The following COL4A6 variants were observed in gnomAD, a reference collection of about 807,000 sequenced individuals.
COL4A6 encodes the protein collagen type IV alpha 6 chain, also known as collagen alpha-6(IV) chain.
Under a neutral mutation model 126.7 loss-of-function variants are expected in COL4A6, and 59 were observed. The ratio of observed to expected loss-of-function variants is 0.47; its 90% CI spans 0.38 to 0.58. The LOEUF is 0.58. Among genes scored for constraint, COL4A6 ranks in the 20% least tolerant of loss-of-function variants. The pLI, the probability that COL4A6 is intolerant of heterozygous loss-of-function variation, is 0.00. For missense variants in COL4A6, 1,285 were observed against 1,337.3 expected, an observed-to-expected ratio of 0.96 and a Z score of 0.61; for synonymous variants, 547 against 496.6, an observed-to-expected ratio of 1.10 and a Z score of -1.35.
At chrX:108,292,992 GCAAAAAA>G (rs2038207151) in intron 3 of COL4A6, among the ~76,000 whole-genome samples, 2 of 10,436 alleles carry the variant, frequency 1.9e-4, no homozygotes, top group African/African-American at 9.3e-4. Flanking sequence ...AAGGAAAAAA[GCAAAAAA>G]AAAAAAAAAA....
chrX:108,337,748 C>T (rs1434819141), intron 2 of COL4A6, among the ~76,000 whole-genome samples: 1 of 112,328 alleles, frequency 8.9e-6, no homozygotes, highest in Non-Finnish European at 1.9e-5. Context: ...AGCATTAATG[C>T]TAGGTTAATA....
intron 25 of COL4A6, among the ~76,000 whole-genome samples, 185 bp from the exon 26 acceptor site, chrX:108,179,623 C>T (rs1037650728): frequency 1.8e-5 from 2 of 110,440 alleles, no homozygotes; most frequent in Non-Finnish European, 3.8e-5. Flanking sequence ...CTGTGCCCTG[C>T]GACCTGGAGG....
rs113329155 is a variant in COL4A6 at position 108,165,024 on chromosome X, C to A, written c.3823G>T (p.Ala1275Ser). The change falls in exon 39 of 45, where the codon GCT becomes TCT. Residue 1275 changes from alanine (A) to serine (S), a missense_variant. Coordinates refer to ENST00000334504, the MANE Select transcript of COL4A6 (RefSeq NM_033641.4). Reference sequence around the variant, plus strand: ...GGCCCAGGGGGACCTGGGGGTCCAGCGGGGCCTGGGCGGCCTAGGGATAAG... The same window carrying A: ...GGCCCAGGGGGACCTGGGGGTCCAGAGGGGCCTGGGCGGCCTAGGGATAAG... ...LDGERGRPGP[A>S]GPPGPPGPSS... 1.7e-6 allele frequency: 2 copies of A among 1,206,496 alleles called. No individual in the cohort carries two copies. The highest frequency in any genetic ancestry group is 4.4e-5 in the Admixed American group (2 of 45,004).
At chrX:108,302,224 T>C (rs2038508034) in intron 3 of COL4A6, among the ~76,000 whole-genome samples, 1 of 111,374 alleles carries the variant, frequency 9.0e-6, no homozygotes, top group South Asian at 3.7e-4. Flanking sequence ...AAATAAAAAG[T>C]GTAAAAGGAT....
intron 3 of COL4A6, among the ~76,000 whole-genome samples, chrX:108,226,927 G>A (rs958165107): frequency 9.0e-6 from 1 of 111,549 alleles, no homozygotes; most frequent in African/African-American, 3.3e-5. Flanking sequence ...TCTGCCAAAT[G>A]GTCTGTGACC....
At chrX:108,417,358 A>G (rs2041454154) in intron 2 of COL4A6, among the ~76,000 whole-genome samples, 1 of 112,202 alleles carries the variant, frequency 8.9e-6, no homozygotes, top group Admixed American at 9.5e-5. Context: ...TAACTGGCAT[A>G]TAGTATTATC....
At chrX:108,235,003 A>G (rs964426485) in intron 3 of COL4A6, among the ~76,000 whole-genome samples, 1 of 111,377 alleles carries the variant, frequency 9.0e-6, no homozygotes, top group Non-Finnish European at 1.9e-5. Flanking sequence ...GTGAAGGCCT[A>G]CCAATCAGCA....
intron 2 of COL4A6, among the ~76,000 whole-genome samples, chrX:108,328,145 CTAAA>C (rs1224386589): frequency 9.0e-6 from 1 of 111,192 alleles, no homozygotes; most frequent in Non-Finnish European, 1.9e-5. Flanking sequence ...GATGTTTCTC[CTAAA>C]TAAAGTATTC....
Position 108,162,916 on chromosome X carries a change from C to T in COL4A6, c.4192G>A (p.Ala1398Thr). ...GIPGLTGDPG[A>T]QGPVGLQGSK... ...CCTTGTAGGCCTACAGGGCCTTGAG[C>T]CCCAGGGTCCCCAGTGAGGCCAGGG... is the stretch of plus-strand genomic sequence containing the variant. Residue 1398 changes from alanine to threonine, a missense_variant, in exon 41 of 45, where the codon GCT (alanine) becomes ACT (threonine). Coordinates refer to ENST00000334504, the MANE Select transcript of COL4A6 (RefSeq NM_033641.4). 8.4e-7 allele frequency: 1 copy of T among 1,196,333 alleles called. No homozygotes were observed. Among genetic ancestry groups the T allele is most frequent in the Non-Finnish European group, 1.1e-6 (1 of 889,014 alleles).
intron 2 of COL4A6, among the ~76,000 whole-genome samples, chrX:108,315,460 G>A (rs997495189): frequency 2.1e-4 from 24 of 111,709 alleles, no homozygotes; most frequent in African/African-American, 7.5e-4. Context: ...TGCTGATCTC[G>A]AACTCCTGGC....
intron 2 of COL4A6, among the ~76,000 whole-genome samples, chrX:108,385,342 T>C (rs1412431148): frequency 9.0e-6 from 1 of 111,106 alleles, no homozygotes; most frequent in East Asian, 2.9e-4. Flanking sequence ...TTTAAAAAGA[T>C]ATTAAAGAAA....
At chrX:108,303,927 C>T (rs928838097) in intron 3 of COL4A6, among the ~76,000 whole-genome samples, 4 of 111,722 alleles carry the variant, frequency 3.6e-5, no homozygotes, top group Admixed American at 9.5e-5. Context: ...CTAGAAAGCA[C>T]GATAATGCAC....
intron 3 of COL4A6, among the ~76,000 whole-genome samples, chrX:108,271,988 A>G (rs1325631783): frequency 9.0e-6 from 1 of 111,646 alleles, no homozygotes; most frequent in East Asian, 2.8e-4. Flanking sequence ...CCTTCCTCTA[A>G]CCAAAATGCC....
chrX:108,330,434 G>T (rs1289014183), intron 2 of COL4A6, among the ~76,000 whole-genome samples: 1 of 111,747 alleles, frequency 8.9e-6, no homozygotes, highest in Admixed American at 9.6e-5. Flanking sequence ...TCAGTGCAGG[G>T]AGTCAGAGAA....
At chrX:108,158,936 G>A (rs765282394) in intron 44 of COL4A6, among the ~76,000 whole-genome samples, 2 of 112,525 alleles carry the variant, frequency 1.8e-5, no homozygotes, top group South Asian at 7.5e-4. Flanking sequence ...ATGGCTGGCC[G>A]CTGCCTTCAC....
At chrX:108,285,912 G>A (rs1348693268) in intron 3 of COL4A6, among the ~76,000 whole-genome samples, 3 of 111,651 alleles carry the variant, frequency 2.7e-5, no homozygotes, top group Non-Finnish European at 3.8e-5. Flanking sequence ...CATAGAAAAG[G>A]GTTGTATCTA....
chrX:108,229,141 A>C (rs1257124782), intron 3 of COL4A6, among the ~76,000 whole-genome samples: 2 of 112,138 alleles, frequency 1.8e-5, no homozygotes, highest in African/African-American at 6.5e-5. Context: ...ACAGATGCTG[A>C]GGTGTTTAAT....
At chrX:108,357,864 A>G (rs1196355390) in intron 2 of COL4A6, among the ~76,000 whole-genome samples, 1 of 111,263 alleles carries the variant, frequency 9.0e-6, no homozygotes, top group Non-Finnish European at 1.9e-5. Context: ...ATGGCTTGGG[A>G]CTGGGAACCC....
intron 2 of COL4A6, among the ~76,000 whole-genome samples, chrX:108,405,877 C>T (rs2041196678): frequency 8.9e-6 from 1 of 111,831 alleles, no homozygotes; most frequent in African/African-American, 3.3e-5. Context: ...TATCACTAAG[C>T]AGGAAACCTA....
Sources: gnomAD v4.1 joint callset for allele counts (sites outside exome capture counted in the v4.1 genomes callset) on GRCh38, gnomAD v4.1.1 for gene constraint, MANE v1.5 for transcripts, NCBI Gene and HGNC (gene_info 2026-07-23, HGNC 2026-07-21) for gene names.